The following FRY variants were observed in gnomAD, a reference collection of about 807,000 sequenced individuals.
FRY encodes the protein FRY microtubule binding protein.
FRY carries 128 observed loss-of-function variants against 348.4 expected under a neutral mutation model. That is an observed-to-expected ratio of 0.37 (90% confidence interval 0.32 to 0.43). The LOEUF is 0.43. Ranked by LOEUF, FRY falls within the 20% of genes least tolerant of loss-of-function variation. The pLI is 1.00. For synonymous variants in FRY, 1,370 were observed against 1,374.7 expected (o/e 1.00, Z 0.08); for missense variants, 2,736 against 3,695.2 (o/e 0.74, Z 6.73).
intron 36 of FRY, among the ~76,000 whole-genome samples, chr13:32,220,995 G>A (rs2093366320): frequency 6.6e-6 from 1 of 152,174 alleles, no homozygotes; most frequent in Non-Finnish European, 1.5e-5. Flanking sequence ...TTGTGGCCAA[G>A]CTTCATGGCA....
At chr13:32,254,900 A>C (rs562545442) in intron 51 of FRY, among the ~76,000 whole-genome samples, 3 of 152,206 alleles carry the variant, frequency 2.0e-5, no homozygotes, top group African/African-American at 7.2e-5. Context: ...TGCAATGCAC[A>C]CAAGAGAGCT....
chr13:32,065,506 G>A (rs1320807906), intron 1 of FRY, among the ~76,000 whole-genome samples: 3 of 152,050 alleles, frequency 2.0e-5, no homozygotes, highest in Non-Finnish European at 2.9e-5. Context: ...CGGTTTCACC[G>A]TGTTCCCTAG....
intron 1 of FRY, among the ~76,000 whole-genome samples, chr13:32,041,071 C>T (rs999487555): frequency 5.7e-4 from 87 of 152,102 alleles, no homozygotes; most frequent in African/African-American, 2.1e-3. Flanking sequence ...AGACTGTAAC[C>T]AGTGAGTTTA....
intron 17 of FRY, among the ~76,000 whole-genome samples, chr13:32,167,168 C>T (rs564596424): frequency 1.3e-4 from 20 of 152,206 alleles, no homozygotes; most frequent in Non-Finnish European, 2.9e-4. Flanking sequence ...CATGACATGG[C>T]TTTCGTCCTT....
At chr13:32,128,434 C>G (rs1879158771) in intron 7 of FRY, among the ~76,000 whole-genome samples, 1 of 152,102 alleles carries the variant, frequency 6.6e-6, no homozygotes, top group African/African-American at 2.4e-5. Flanking sequence ...CATAGTAGGC[C>G]CCCGGTAAAT....
chr13:32,072,912 G>T (rs915591213), intron 1 of FRY, among the ~76,000 whole-genome samples: 3 of 152,150 alleles, frequency 2.0e-5, no homozygotes, highest in Non-Finnish European at 4.4e-5. Flanking sequence ...TTTGTTGAAC[G>T]ATAAGATTAC....
intron 10 of FRY, 132 bp from the exon 11 acceptor site, chr13:32,136,739 T>G: frequency 1.3e-6 from 1 of 743,360 alleles, no homozygotes; most frequent in Non-Finnish European, 2.5e-6. Context: ...GGCACTGTTG[T>G]GCTACACAGT....
chr13:32,200,957 C>G (rs2520701), intron 29 of FRY, among the ~76,000 whole-genome samples: 61,762 of 151,880 alleles, frequency 0.41, 12,757 homozygotes, highest in Admixed American at 0.43. Context: ...TGGCCCCATA[C>G]AATCCATTCT....
At chr13:32,145,522 A>ATT (rs1593664456) in intron 11 of FRY, among the ~76,000 whole-genome samples, 1 of 105,998 alleles carries the variant, frequency 9.4e-6, no homozygotes, top group African/African-American at 3.6e-5. Context: ...TCTCTGACTG[A>ATT]TTTGTTTTTT....
chr13:32,134,865 A>G (rs779278628), intron 8 of FRY, 39 bp from the exon 9 acceptor site: 1 of 1,233,460 alleles, frequency 8.1e-7, no homozygotes, highest in Admixed American at 1.7e-5. Flanking sequence ...GTACATTTCA[A>G]CCTACTCTCC....
chr13:32,290,459 A>G (rs1168782767), intron 59 of FRY, among the ~76,000 whole-genome samples: 1 of 152,166 alleles, frequency 6.6e-6, no homozygotes. Flanking sequence ...GAGCATTCCA[A>G]TAAGAACAAA....
intron 22 of FRY, among the ~76,000 whole-genome samples, 197 bp from the exon 23 acceptor site, chr13:32,179,478 T>G (rs1340781096): frequency 1.4e-5 from 2 of 147,078 alleles, no homozygotes; most frequent in Non-Finnish European, 3.0e-5. Flanking sequence ...CAGGTGAGAA[T>G]TGCATTCATT....
chr13:32,057,656 G>C (rs530963516), intron 1 of FRY, among the ~76,000 whole-genome samples: 1 of 152,258 alleles, frequency 6.6e-6, no homozygotes, highest in African/African-American at 2.4e-5. Flanking sequence ...CCTTTCGTTT[G>C]CACTTAAAAA....
At chr13:32,193,087 G>A (rs1186614150) in intron 28 of FRY, among the ~76,000 whole-genome samples, 2 of 151,004 alleles carry the variant, frequency 1.3e-5, no homozygotes, top group African/African-American at 2.4e-5. Flanking sequence ...TAACCTCTAG[G>A]CACCAGGCTT....
rs61006034 is a variant in FRY at position 32,095,337 on chromosome 13, C to CT, written c.271-6598dup. On this transcript the variant is annotated intron_variant, in intron 2 of 60. Coordinates refer to ENST00000542859, the MANE Select transcript of FRY (RefSeq NM_023037.3). Reference sequence around the variant, plus strand: ...GATTGTTTCCTTTGCTGTATGGAAGCTTTTTTTTTTTTTTTTTTTTTTTTT... The same window carrying CT: ...GATTGTTTCCTTTGCTGTATGGAAGCTTTTTTTTTTTTTTTTTTTTTTTTTT... Among the ~76,000 whole-genome samples, 423 of 58,348 alleles carry CT rather than the reference C, an allele frequency of 7.2e-3. 141 individuals carry two copies. The highest frequency in any genetic ancestry group is 0.041 in the East Asian group (64 of 1,556). The allele number at this position is 58,348 out of a possible 152,430, so 38.3% of individuals were successfully genotyped here.
chr13:32,262,406 C>A lies in FRY; in HGVS notation c.7710C>A (p.Asn2570Lys). ...CCCCTGCAGAACCTCATTCCTTTAA[C>A]ACCAGAATGTCCAGCTTTGATGCTT... ...DSTPAEPHSF[N>K]TRMSSFDASL... Residue 2570 changes from asparagine (N) to lysine (K), a missense_variant, in exon 53 of 61, where the codon AAC (asparagine) becomes AAA (lysine). Around this residue, in one of 9 missense-constraint regions of FRY, gnomAD observed 789 missense variants for 996.2 expected, o/e 0.79. Transcript: ENST00000542859. 1 of 1,613,440 alleles carries A rather than the reference C, an allele frequency of 6.2e-7. No homozygotes were observed. The highest frequency in any genetic ancestry group is 2.2e-5 in the East Asian group (1 of 44,864).
chr13:32,106,343 G>A (rs1274631047), intron 3 of FRY, among the ~76,000 whole-genome samples: 2 of 151,900 alleles, frequency 1.3e-5, no homozygotes, highest in Non-Finnish European at 2.9e-5. Context: ...TACAGCCTGT[G>A]CTTTTTACTC....
intron 36 of FRY, among the ~76,000 whole-genome samples, chr13:32,223,764 T>C (rs1282102039): frequency 6.6e-6 from 1 of 152,190 alleles, no homozygotes; most frequent in Admixed American, 6.5e-5. Flanking sequence ...AGTCTCACTC[T>C]GTCGCCCAGA....
intron 4 of FRY, among the ~76,000 whole-genome samples, chr13:32,120,980 C>T (rs764901615): frequency 1.3e-5 from 2 of 152,268 alleles, no homozygotes; most frequent in South Asian, 4.1e-4. Flanking sequence ...CATTCTGATG[C>T]CTTTGCATAC....
Sources: allele counts gnomAD v4.1 joint callset (sites outside exome capture counted in the v4.1 genomes callset), GRCh38; gene constraint gnomAD v4.1.1; regional missense constraint gnomAD v4.1.1; transcripts MANE v1.5; gene names NCBI Gene and HGNC (gene_info 2026-07-23, HGNC 2026-07-21).